Variants in ASB7 observed in about 807,000 individuals in gnomAD.
ASB7 encodes ankyrin repeat and SOCS box protein 7.
In ASB7, 4 loss-of-function variants were observed where a neutral mutation model predicts 32.5. That is an observed-to-expected ratio of 0.12 (90% confidence interval 0.06 to 0.28). The LOEUF (loss-of-function observed/expected upper bound fraction) is 0.28, where lower values mean the gene tolerates loss of function less well. Ranked by LOEUF, ASB7 falls within the 10% of genes least tolerant of loss-of-function variation. The pLI, the probability that ASB7 is intolerant of heterozygous loss-of-function variation, is 1.00. For missense variants in ASB7, 181 were observed against 407.1 expected (o/e 0.44, Z 4.78); for synonymous variants, 172 against 155.6 (o/e 1.11, Z -0.78).
intron 4 of ASB7, among the ~76,000 whole-genome samples, chr15:100,619,629 C>T (rs2039774041): frequency 6.6e-6 from 1 of 152,164 alleles, no homozygotes; most frequent in Non-Finnish European, 1.5e-5. Context: ...GTCACTCACC[C>T]ACCTAGAAAT....
chr15:100,641,494 C>G (rs1692572220), intron 5 of ASB7, among the ~76,000 whole-genome samples: 1 of 152,208 alleles, frequency 6.6e-6, no homozygotes, highest in Admixed American at 6.5e-5. Flanking sequence ...TACCTGTACA[C>G]TCGTGGAGAA....
intron 5 of ASB7, among the ~76,000 whole-genome samples, chr15:100,642,897 C>T (rs571911905): frequency 6.6e-6 from 1 of 152,292 alleles, no homozygotes; most frequent in East Asian, 1.9e-4. Context: ...ATTAGCCAGG[C>T]GTGGTGATGC....
At chr15:100,645,462 C>T (rs1385148888) in intron 5 of ASB7, 2 of 486,292 alleles carry the variant, frequency 4.1e-6, no homozygotes, top group Non-Finnish European at 7.7e-6. Flanking sequence ...AGTTTATTAT[C>T]TGCTCCTCCA....
At chr15:100,615,145 A>G (rs2039731767) in intron 4 of ASB7, among the ~76,000 whole-genome samples, 2 of 152,230 alleles carry the variant, frequency 1.3e-5, no homozygotes, top group Admixed American at 6.5e-5. Flanking sequence ...TGTGCCGTCT[A>G]GGTTTGTGTG....
In ASB7 at chr15:100,629,834, G is replaced by C. The variant is rs759079893; in HGVS notation, c.609G>C (p.Gly203=). 2 of 1,614,166 alleles carry C rather than the reference G, an allele frequency of 1.2e-6. No individual in the cohort carries two copies. Among genetic ancestry groups the C allele is most frequent in the East Asian group, 2.2e-5 (1 of 44,890 alleles). ...HSYCRMFLQR[G]ADTNLGRLED... ...ATTGCCGAATGTTCCTTCAGAGAGG[G>C]GCAGACACAAACTTGGGTCGCTTAG... Residue 203 remains glycine (G), a synonymous_variant, in exon 5 of 6, where the codon GGG becomes GGC. Coordinates refer to ENST00000332783, the MANE Select transcript of ASB7 (RefSeq NM_198243.3). This position sits in a 1 kb window ranked among gnomAD's most constrained non-coding sequence, Gnocchi z 6.8.
rs146755177 is a variant in ASB7, at chr15:100,627,859, A to G, written c.212-1578A>G. On this transcript the variant is annotated intron_variant, in intron 4 of 5. Transcript: ENST00000332783. ...TTTTGTTTCATTTGAATGGGAGGGC[A>G]TCTTGTAGATTTCACGCCTGACTTT... is the stretch of plus-strand genomic sequence containing the variant. Among the ~76,000 whole-genome samples the G allele has an allele frequency of 4.7e-3, 720 of 152,322 alleles. 2 individuals are homozygous for G. The highest frequency in any genetic ancestry group is 0.016 in the African/African-American group (683 of 41,568).
intron 5 of ASB7, among the ~76,000 whole-genome samples, chr15:100,643,563 C>T (rs576598321): frequency 8.4e-5 from 12 of 143,158 alleles, no homozygotes; most frequent in African/African-American, 3.1e-4. Flanking sequence ...AATCTTGGCT[C>T]ACTGCAACCT....
intron 4 of ASB7, among the ~76,000 whole-genome samples, chr15:100,625,518 C>T (rs965138533): frequency 2.2e-4 from 34 of 152,084 alleles, no homozygotes; most frequent in African/African-American, 7.0e-4. Flanking sequence ...ATATGCATGA[C>T]GTATATAAGC....
At chr15:100,622,762 T>G (rs1377283640) in intron 4 of ASB7, among the ~76,000 whole-genome samples, 1 of 152,192 alleles carries the variant, frequency 6.6e-6, no homozygotes, top group Non-Finnish European at 1.5e-5. Flanking sequence ...CAGACCCCTG[T>G]CTCTCACCAT....
intron 5 of ASB7, among the ~76,000 whole-genome samples, chr15:100,641,261 G>A (rs1205868531): frequency 6.6e-6 from 1 of 152,092 alleles, no homozygotes; most frequent in East Asian, 1.9e-4. Context: ...AATACATACA[G>A]CATTAATAGA....
intron 4 of ASB7, among the ~76,000 whole-genome samples, chr15:100,622,483 G>T (rs1245413945): frequency 6.6e-6 from 1 of 152,088 alleles, no homozygotes; most frequent in Non-Finnish European, 1.5e-5. Context: ...AACCAAAAAA[G>T]AGCCCAAATA....
At position 100,625,057 on chromosome 15, in the gene ASB7, A is replaced by C. The variant is rs543420257; in HGVS notation, c.212-4380A>C. The stretch of plus-strand genomic sequence containing the variant: ...AGATTCAGAAAATGGAACAGTCTTA[A>C]ATACCTTCATGAGAAAGATGGGAAA... On this transcript the variant is annotated intron_variant, in intron 4 of 5. Coordinates refer to ENST00000332783, the MANE Select transcript of ASB7 (RefSeq NM_198243.3). Among the ~76,000 whole-genome samples, 81 of 152,354 alleles carry C rather than the reference A, an allele frequency of 5.3e-4. 1 individual carries two copies. The highest frequency in any genetic ancestry group is 9.1e-4 in the Admixed American group (14 of 15,304).
chr15:100,636,850 G>GA (rs2039926887), intron 5 of ASB7, among the ~76,000 whole-genome samples: 1 of 152,156 alleles, frequency 6.6e-6, no homozygotes, highest in Non-Finnish European at 1.5e-5. Flanking sequence ...AAATCAAAAC[G>GA]AATTTCCTAA....
At chr15:100,645,881 AC>A in intron 5 of ASB7, 3 of 799,314 alleles carry the variant, frequency 3.8e-6, no homozygotes, top group Non-Finnish European at 6.4e-6. Context: ...TCAGCATCTG[AC>A]CACAGCACTG....
chr15:100,638,868 T>C (rs1597011102), intron 5 of ASB7, among the ~76,000 whole-genome samples: 1 of 152,038 alleles, frequency 6.6e-6, no homozygotes, highest in Non-Finnish European at 1.5e-5. Context: ...CAGGCCCTGG[T>C]GTATGATGTT....
rs1254343660 is a variant in ASB7 at position 100,648,529 on chromosome 15, C to T, written c.*67C>T. Reference sequence around the variant, plus strand: ...TACTTAAAAGGCTTTTTGCCTTGCACAAAGTATATCCTATGCAATTTCTGA... The same window carrying T: ...TACTTAAAAGGCTTTTTGCCTTGCATAAAGTATATCCTATGCAATTTCTGA... On this transcript the variant is annotated 3_prime_UTR_variant, in exon 6 of 6. Transcript: ENST00000332783. The T allele has an allele frequency of 7.4e-7, 1 of 1,343,052 alleles. No individual in the cohort carries two copies. The highest frequency in any genetic ancestry group is 1.0e-6 in the Non-Finnish European group (1 of 973,450). 83.2% of individuals were successfully genotyped at this position (1,343,052 alleles called of 1,614,324 possible).
At chr15:100,610,243 C>G (rs1401136998) in intron 3 of ASB7, among the ~76,000 whole-genome samples, 1 of 151,922 alleles carries the variant, frequency 6.6e-6, no homozygotes, top group African/African-American at 2.4e-5. Flanking sequence ...GCCTGTAATC[C>G]TAGCACTTTG....
chr15:100,603,272 AAGC>A lies in ASB7; in HGVS notation c.-212_-210del. The A allele has an allele frequency of 2.9e-6, 1 of 340,304 alleles. No homozygotes were observed. Among genetic ancestry groups the A allele is most frequent in the Non-Finnish European group, 5.3e-6 (1 of 190,010 alleles). The allele number at this position is 340,304 out of a possible 1,614,324, so 21.1% of individuals were successfully genotyped here. On this transcript the variant is annotated 5_prime_UTR_variant, in exon 2 of 6. Transcript: ENST00000332783. ...GAAGAGGTCTGCCCACCTATCAGAG[AAGC>A]AGAAGGCACAGTGCCTCTGACCAGC...
At chr15:100,635,879 T>C (rs1192090247) in intron 5 of ASB7, among the ~76,000 whole-genome samples, 2 of 152,120 alleles carry the variant, frequency 1.3e-5, no homozygotes, top group South Asian at 2.1e-4. Context: ...AGAAAGTCTT[T>C]CCCCCCGGGG....
Sources: allele counts gnomAD v4.1 joint callset (sites outside exome capture counted in the v4.1 genomes callset), GRCh38; gene constraint gnomAD v4.1.1; non-coding constraint Gnocchi (gnomAD v3.1); transcripts MANE v1.5; gene names NCBI Gene and HGNC (gene_info 2026-07-23, HGNC 2026-07-21).